Variants in AGAP1 observed in about 807,000 individuals in gnomAD.
The protein encoded by AGAP1 is arf-GAP with GTPase, ANK repeat and PH domain-containing protein 1.
A neutral mutation model predicts 105.3 loss-of-function variants in AGAP1; 29 were observed. That is an observed-to-expected ratio of 0.28 (90% CI 0.21 to 0.38). The LOEUF (loss-of-function observed/expected upper bound fraction) is 0.38, where lower values mean the gene tolerates loss of function less well. Ranked by LOEUF, AGAP1 falls within the 10% of genes least tolerant of loss-of-function variation. The pLI is 1.00. For missense variants in AGAP1, 998 were observed against 1,165.1 expected (o/e 0.86, Z 2.09); for synonymous variants, 509 against 485.9 (o/e 1.05, Z -0.63).
intron 9 of AGAP1, among the ~76,000 whole-genome samples, chr2:235,807,675 G>T (rs887844648): frequency 6.6e-6 from 1 of 152,192 alleles, no homozygotes; most frequent in Admixed American, 6.5e-5. Context: ...GCCTACAAGA[G>T]CCCCTTGTGA....
rs144435395 is a variant in AGAP1, at chr2:236,069,269, A to G, written c.2114+19988A>G. Among the ~76,000 whole-genome samples, 46 of 152,336 alleles carry G rather than the reference A, an allele frequency of 3.0e-4. No individual in the cohort carries two copies. In the East Asian group the frequency reaches 7.9e-3, roughly 26 times the overall value. On this transcript the variant is annotated intron_variant, in intron 16 of 17. Transcript: ENST00000304032. ...TTTGTCGTGTACACGTGACAATGCA[A>G]TGTAAATATACATACGTTATGATGT... is the stretch of plus-strand genomic sequence containing the variant.
chr2:235,696,044 TTTTG>T (rs1364282119), intron 1 of AGAP1, among the ~76,000 whole-genome samples: 1 of 152,042 alleles, frequency 6.6e-6, no homozygotes, highest in African/African-American at 2.4e-5. Flanking sequence ...TGCATGATTG[TTTTG>T]TTTACCATTT....
intron 1 of AGAP1, among the ~76,000 whole-genome samples, chr2:235,637,661 G>GA (rs1385718539): frequency 6.6e-6 from 1 of 152,146 alleles, no homozygotes. Context: ...TTACACATAG[G>GA]AAGAGGAAGT....
intron 6 of AGAP1, among the ~76,000 whole-genome samples, chr2:235,756,651 C>T (rs955532497): frequency 3.3e-5 from 5 of 152,146 alleles, no homozygotes; most frequent in African/African-American, 4.8e-5. Context: ...CAGGGGTCCC[C>T]AGTCAGGCTG....
chr2:236,044,489 C>A lies in AGAP1; in HGVS notation c.1891+3648C>A, dbSNP rs961681470. Among the ~76,000 whole-genome samples, 1 of 152,096 alleles carries A rather than the reference C, an allele frequency of 6.6e-6. No individual in the cohort carries two copies. Among genetic ancestry groups the A allele is most frequent in the African/African-American group, 2.4e-5 (1 of 41,418 alleles). On this transcript the variant is annotated intron_variant, in intron 15 of 17. Coordinates refer to ENST00000304032, the MANE Select transcript of AGAP1 (RefSeq NM_001037131.3). The surrounding 1 kb of genome is among the most constrained non-coding windows in gnomAD (Gnocchi z 5.7). ...GGTTGGAGCTGACCGTGCGCTGGTCCCTCCCACCCTGCTGCGTGGACCTCA... is the reference window on the plus strand; with the variant it reads ...GGTTGGAGCTGACCGTGCGCTGGTCACTCCCACCCTGCTGCGTGGACCTCA...
intron 9 of AGAP1, among the ~76,000 whole-genome samples, chr2:235,880,490 T>G (rs991238995): frequency 2.0e-5 from 3 of 150,208 alleles, no homozygotes; most frequent in African/African-American, 7.4e-5. Flanking sequence ...AGAACTTGAG[T>G]GAGGGCGAGG....
At chr2:236,063,814 G>A (rs116442998) in intron 16 of AGAP1, among the ~76,000 whole-genome samples, 3 of 152,202 alleles carry the variant, frequency 2.0e-5, no homozygotes, top group Non-Finnish European at 1.5e-5. Context: ...TACCATTAAA[G>A]CTTCAAATAA....
At chr2:235,666,831 T>G (rs1045167537) in intron 1 of AGAP1, among the ~76,000 whole-genome samples, 16 of 152,068 alleles carry the variant, frequency 1.1e-4, no homozygotes, top group African/African-American at 3.9e-4. Context: ...TTTACATACC[T>G]TAATTATGGA....
chr2:235,622,412 C>G lies in AGAP1; in HGVS notation c.164-86767C>G, dbSNP rs1469876457. 6.6e-6 allele frequency among the ~76,000 whole-genome samples: 1 copy of G among 152,200 alleles called. No homozygotes were observed. The highest frequency in any genetic ancestry group is 2.4e-5 in the African/African-American group (1 of 41,460). ...CGGCCACGCTGCTCTCCTGCATGTC[C>G]GCCCATCTCACTGGGGTGATGAATG... On this transcript the variant is annotated intron_variant, in intron 1 of 17. Coordinates refer to ENST00000304032, the MANE Select transcript of AGAP1 (RefSeq NM_001037131.3). This position sits in a 1 kb window ranked among gnomAD's most constrained non-coding sequence, Gnocchi z 5.0.
rs1299781570 is a variant in AGAP1, at chr2:235,733,225, G to T, written c.311-7738G>T. ...TTCTCCCGCTCACCAGGCAACACGG[G>T]CATCTTCTTTGCCTCCGGAGAGCCT... On this transcript the variant is annotated intron_variant, in intron 3 of 17. Transcript: ENST00000304032. This position sits in a 1 kb window ranked among gnomAD's most constrained non-coding sequence, Gnocchi z 5.0. 6.6e-6 allele frequency among the ~76,000 whole-genome samples: 1 copy of T among 152,182 alleles called. No homozygotes were observed. The highest frequency in any genetic ancestry group is 1.5e-5 in the Non-Finnish European group (1 of 68,042).
chr2:235,757,383 C>G (rs1954017805), intron 6 of AGAP1, among the ~76,000 whole-genome samples: 1 of 138,002 alleles, frequency 7.2e-6, no homozygotes, highest in Admixed American at 6.9e-5. Context: ...TGCTAGTGCT[C>G]CCGGGCTCTG....
At chr2:235,985,515 G>T (rs913748814) in intron 13 of AGAP1, among the ~76,000 whole-genome samples, 16 of 152,138 alleles carry the variant, frequency 1.1e-4, no homozygotes, top group African/African-American at 3.9e-4. Context: ...TTGTCATGAA[G>T]TCTTTGCCCA....
chr2:235,924,340 T>C (rs1446937411), intron 11 of AGAP1, among the ~76,000 whole-genome samples: 1 of 152,180 alleles, frequency 6.6e-6, no homozygotes, highest in African/African-American at 2.4e-5. Flanking sequence ...CTGGCTGCTC[T>C]TGTGTTACTC....
At chr2:235,841,701 G>A (rs1177570893) in intron 9 of AGAP1, among the ~76,000 whole-genome samples, 12 of 152,274 alleles carry the variant, frequency 7.9e-5, no homozygotes, top group African/African-American at 2.9e-4. Context: ...CAAACACTTC[G>A]TACATGTTAG....
chr2:235,793,254 G>A lies in AGAP1; in HGVS notation c.674-4505G>A, dbSNP rs1009785669. On this transcript the variant is annotated intron_variant, in intron 6 of 17. Transcript: ENST00000304032. The surrounding 1 kb of genome is among the most constrained non-coding windows in gnomAD (Gnocchi z 5.3). ...CATCCCCGGGCTTTCCAGAAGGCCT[G>A]GCTGGGAATGGGGCGTGGCACACGG... Among the ~76,000 whole-genome samples the A allele has an allele frequency of 2.0e-5, 3 of 152,222 alleles. No individual in the cohort carries two copies. The highest frequency in any genetic ancestry group is 4.8e-5 in the African/African-American group (2 of 41,464).
chr2:235,591,450 C>A (rs193056250), intron 1 of AGAP1, among the ~76,000 whole-genome samples: 1 of 152,236 alleles, frequency 6.6e-6, no homozygotes, highest in South Asian at 2.1e-4. Flanking sequence ...CAAAGGCGCA[C>A]GGATTTGGGT....
rs1411395191 is a variant in AGAP1, at chr2:235,535,654, T to TCCAGCC, written c.163+40807_163+40812dup. Among the ~76,000 whole-genome samples, 2 of 152,046 alleles carry TCCAGCC rather than the reference T, an allele frequency of 1.3e-5. No individual in the cohort carries two copies. Among genetic ancestry groups the TCCAGCC allele is most frequent in the African/African-American group, 4.8e-5 (2 of 41,418 alleles). ...CCAGGCACCCGCGTCGCGCTCCAGCTCCAGCCCTTTAATGCTCTTTGCCAT... is the reference window on the plus strand; with the variant it reads ...CCAGGCACCCGCGTCGCGCTCCAGCTCCAGCCCCAGCCCTTTAATGCTCTTTGCCAT... On this transcript the variant is annotated intron_variant, in intron 1 of 17. Coordinates refer to ENST00000304032, the MANE Select transcript of AGAP1 (RefSeq NM_001037131.3). The surrounding 1 kb of genome is among the most constrained non-coding windows in gnomAD (Gnocchi z 5.1).
chr2:235,565,938 TA>T (rs1178607897), intron 1 of AGAP1, among the ~76,000 whole-genome samples: 1 of 152,214 alleles, frequency 6.6e-6, no homozygotes, highest in Non-Finnish European at 1.5e-5. Context: ...GTTTTGCCAC[TA>T]AACTATTGTT....
At position 235,753,345 on chromosome 2, in the gene AGAP1, G is replaced by T. The variant is rs542891102; in HGVS notation, c.673+2857G>T. On this transcript the variant is annotated intron_variant, in intron 6 of 17. Coordinates refer to ENST00000304032, the MANE Select transcript of AGAP1 (RefSeq NM_001037131.3). This position sits in a 1 kb window ranked among gnomAD's most constrained non-coding sequence, Gnocchi z 4.5. ...CCAGGTGATGCTGTGATGAGTGTCC[G>T]TTTTCATGGGCACAGGAGATTTCCG... Among the ~76,000 whole-genome samples, 1 of 152,176 alleles carries T rather than the reference G, an allele frequency of 6.6e-6. No individual in the cohort carries two copies. Among genetic ancestry groups the T allele is most frequent in the Non-Finnish European group, 1.5e-5 (1 of 68,042 alleles).
Sources: allele counts gnomAD v4.1 joint callset (sites outside exome capture counted in the v4.1 genomes callset), GRCh38; gene constraint gnomAD v4.1.1; non-coding constraint Gnocchi (gnomAD v3.1); transcripts MANE v1.5; gene names NCBI Gene and HGNC (gene_info 2026-07-23, HGNC 2026-07-21).